The following SUMF1 variants were observed in gnomAD, a reference collection of about 807,000 sequenced individuals.
The protein encoded by SUMF1 is formylglycine-generating enzyme.
Under a neutral mutation model 47.6 loss-of-function variants are expected in SUMF1, and 48 were observed. The observed-to-expected ratio is 1.01, with a 90% CI of 0.80 to 1.28. The LOEUF is 1.28. Ranked by LOEUF, SUMF1 falls within the 50% of genes most tolerant of loss-of-function variation. The pLI is 0.00. For synonymous variants in SUMF1, 230 were observed against 192.1 expected (o/e 1.20, Z -1.63); for missense variants, 571 against 485.4 (o/e 1.18, Z -1.66).
At chr3:4,350,896 T>G (rs1193372163) in intron 8 of SUMF1, among the ~76,000 whole-genome samples, 4 of 150,414 alleles carry the variant, frequency 2.7e-5, no homozygotes, top group Non-Finnish European at 4.4e-5. Context: ...ACACTACCCC[T>G]AAATAAAAGG....
intron 8 of SUMF1, among the ~76,000 whole-genome samples, chr3:4,332,978 G>A (rs1269934203): frequency 6.6e-6 from 1 of 152,140 alleles, no homozygotes; most frequent in Non-Finnish European, 1.5e-5. Flanking sequence ...TGGCTGGGGA[G>A]AATCGGCCAC....
intron 8 of SUMF1, among the ~76,000 whole-genome samples, chr3:4,102,015 C>G (rs1217708078): frequency 6.6e-6 from 1 of 152,114 alleles, no homozygotes; most frequent in Non-Finnish European, 1.5e-5. Context: ...AAAAAAGCAT[C>G]AGATCTCATG....
chr3:4,123,659 C>T lies in SUMF1; in HGVS notation c.1015-54914G>A, dbSNP rs73114421. ...AAAGTAGCACAGTAGAGAGAAAAGA[C>T]CCCTGACCTAGGAATTATGAGACCA... On this transcript the variant is annotated intron_variant and NMD_transcript_variant, in intron 8 of 12. Coordinates refer to the SUMF1 transcript ENST00000448413. Among the ~76,000 whole-genome samples, 94 of 152,284 alleles carry T rather than the reference C, an allele frequency of 6.2e-4. 1 individual carries two copies. Among genetic ancestry groups the T allele is most frequent in the African/African-American group, 2.2e-3 (91 of 41,568 alleles).
intron 8 of SUMF1, among the ~76,000 whole-genome samples, chr3:4,190,850 A>G (rs1237088110): frequency 6.6e-6 from 1 of 152,116 alleles, no homozygotes; most frequent in Non-Finnish European, 1.5e-5. Context: ...TCACTTGAAA[A>G]CTACATATTG....
intron 9 of SUMF1, among the ~76,000 whole-genome samples, chr3:4,043,803 C>T (rs1351558742): frequency 1.3e-5 from 2 of 152,140 alleles, no homozygotes; most frequent in East Asian, 1.9e-4. Context: ...TTTCTTTCAA[C>T]TCTAAATTTG....
intron 8 of SUMF1, among the ~76,000 whole-genome samples, chr3:4,271,563 G>A (rs755082253): frequency 2.6e-5 from 4 of 152,140 alleles, no homozygotes; most frequent in Non-Finnish European, 4.4e-5. Context: ...ATGCAGTGGC[G>A]TGATGGCATC....
chr3:4,224,747 A>C (rs1696137661), intron 8 of SUMF1, among the ~76,000 whole-genome samples: 1 of 152,104 alleles, frequency 6.6e-6, no homozygotes, highest in African/African-American at 2.4e-5. Flanking sequence ...GAAAGAAGGA[A>C]AGCTCTTTAC....
chr3:4,168,192 C>A (rs1448785192), intron 8 of SUMF1, among the ~76,000 whole-genome samples: 1 of 152,266 alleles, frequency 6.6e-6, no homozygotes, highest in South Asian at 2.1e-4. Flanking sequence ...AACATGATCA[C>A]AACCCCCATG....
At chr3:4,354,070 A>G (rs1575122851) in intron 8 of SUMF1, among the ~76,000 whole-genome samples, 1 of 152,034 alleles carries the variant, frequency 6.6e-6, no homozygotes, top group African/African-American at 2.4e-5. Context: ...GCCTAGGCTG[A>G]TCATGAACTC....
At chr3:4,318,136 A>T (rs1480597923) in intron 8 of SUMF1, among the ~76,000 whole-genome samples, 2 of 152,136 alleles carry the variant, frequency 1.3e-5, no homozygotes, top group Non-Finnish European at 2.9e-5. Flanking sequence ...GGATACCATA[A>T]CCAAAGACAT....
intron 1 of SUMF1, among the ~76,000 whole-genome samples, chr3:4,460,409 T>A (rs2079779463): frequency 6.6e-6 from 1 of 152,108 alleles, no homozygotes; most frequent in Non-Finnish European, 1.5e-5. Flanking sequence ...CAGGAATTCC[T>A]ATCGCCTTTC....
intron 3 of SUMF1, among the ~76,000 whole-genome samples, chr3:4,448,034 C>A (rs1575235139): frequency 7.4e-6 from 1 of 135,382 alleles, no homozygotes; most frequent in Non-Finnish European, 1.7e-5. Context: ...ACCTCAAAGC[C>A]CTTTAAAAAA....
At chr3:4,122,841 A>T (rs1559489153) in intron 8 of SUMF1, among the ~76,000 whole-genome samples, 3 of 152,186 alleles carry the variant, frequency 2.0e-5, no homozygotes, top group African/African-American at 7.2e-5. Context: ...CAGCAGCAGG[A>T]TCTGGTTTGC....
intron 8 of SUMF1, among the ~76,000 whole-genome samples, chr3:4,098,460 C>A (rs940832702): frequency 2.6e-5 from 4 of 152,028 alleles, no homozygotes; most frequent in African/African-American, 4.8e-5. Flanking sequence ...TGTTTGATTT[C>A]AAAGAGGATT....
intron 8 of SUMF1, among the ~76,000 whole-genome samples, chr3:4,183,851 G>C (rs1036410445): frequency 6.6e-6 from 1 of 152,162 alleles, no homozygotes; most frequent in East Asian, 1.9e-4. Context: ...TTTATAAGTA[G>C]TGTTAAACCA....
chr3:4,442,921 A>C (rs1264457710), intron 3 of SUMF1, among the ~76,000 whole-genome samples: 1 of 152,024 alleles, frequency 6.6e-6, no homozygotes, highest in Admixed American at 6.6e-5. Context: ...CATCCTTATG[A>C]ATAACAAATG....
intron 8 of SUMF1, among the ~76,000 whole-genome samples, chr3:4,082,355 G>A: frequency 6.6e-6 from 1 of 152,026 alleles, no homozygotes; most frequent in Non-Finnish European, 1.5e-5. Context: ...TGTGGTCCCA[G>A]CTACTCGAGA....
At chr3:4,096,127 T>G (rs1267505570) in intron 8 of SUMF1, among the ~76,000 whole-genome samples, 2 of 152,168 alleles carry the variant, frequency 1.3e-5, no homozygotes, top group Admixed American at 6.5e-5. Context: ...TTAAGCTATT[T>G]CATTTACATG....
chr3:4,165,264 C>A (rs1375547703), intron 8 of SUMF1, among the ~76,000 whole-genome samples: 1 of 152,040 alleles, frequency 6.6e-6, no homozygotes, highest in Non-Finnish European at 1.5e-5. Flanking sequence ...CTAGGTCTAC[C>A]TTGGCAAGAT....
Sources: allele counts gnomAD v4.1 joint callset (sites outside exome capture counted in the v4.1 genomes callset), GRCh38; gene constraint gnomAD v4.1.1; transcripts MANE v1.5; gene names NCBI Gene and HGNC (gene_info 2026-07-23, HGNC 2026-07-21).